Variants in THSD7B observed in about 807,000 individuals in gnomAD.
THSD7B encodes thrombospondin type-1 domain-containing protein 7B.
In THSD7B, 138 loss-of-function variants were observed where a neutral mutation model predicts 213.6. That is an observed-to-expected ratio of 0.65 (90% CI 0.56 to 0.74). The LOEUF (loss-of-function observed/expected upper bound fraction) is 0.74, where lower values mean the gene tolerates loss of function less well. THSD7B is among the 30% of genes least tolerant of loss of function. THSD7B has a pLI of 0.00. For synonymous variants in THSD7B, 742 were observed against 687.0 expected, an observed-to-expected ratio of 1.08 and a Z score of -1.25; for missense variants, 1,931 against 1,991.5, an observed-to-expected ratio of 0.97 and a Z score of 0.58.
At chr2:137,599,097 T>C (rs1573735032) in intron 17 of THSD7B, among the ~76,000 whole-genome samples, 2 of 142,682 alleles carry the variant, frequency 1.4e-5, no homozygotes, top group East Asian at 2.1e-4. Flanking sequence ...TGTGATCTCA[T>C]TGTTCAATTC....
At chr2:136,807,144 C>T (rs954376676) in intron 1 of THSD7B, among the ~76,000 whole-genome samples, 1 of 152,094 alleles carries the variant, frequency 6.6e-6, no homozygotes, top group African/African-American at 2.4e-5. Context: ...TTTATTTCCC[C>T]CTCTTCTATA....
chr2:136,903,962 GTGTGTGTGTGTT>G (rs1306408787), intron 2 of THSD7B, among the ~76,000 whole-genome samples: 1,884 of 63,806 alleles, frequency 0.03, 66 homozygotes, highest in African/African-American at 0.092. Context: ...GTGTGTGTGT[GTGTGTGTGTGTT>G]TGTTTGTTTC....
chr2:137,592,271 C>T (rs192372608), intron 17 of THSD7B, among the ~76,000 whole-genome samples: 18 of 151,726 alleles, frequency 1.2e-4, no homozygotes, highest in African/African-American at 3.6e-4. Context: ...TTATATTTCT[C>T]CCTCAAATTT....
At chr2:137,643,815 G>C (rs1682980766) in intron 21 of THSD7B, among the ~76,000 whole-genome samples, 1 of 151,964 alleles carries the variant, frequency 6.6e-6, no homozygotes, top group African/African-American at 2.4e-5. Context: ...AGAGACAGAG[G>C]GACAGAGAAC....
chr2:137,370,840 A>C (rs1558773422), intron 12 of THSD7B, among the ~76,000 whole-genome samples: 1 of 152,104 alleles, frequency 6.6e-6, no homozygotes, highest in East Asian at 1.9e-4. Flanking sequence ...CATCTTCTCC[A>C]AAAGTTATAT....
chr2:137,225,926 T>C (rs1165843867), intron 7 of THSD7B, among the ~76,000 whole-genome samples: 1 of 151,794 alleles, frequency 6.6e-6, no homozygotes, highest in African/African-American at 2.4e-5. Context: ...ATTTTATTGG[T>C]TCTGAATATA....
chr2:137,356,172 G>A (rs1438207882), intron 12 of THSD7B, among the ~76,000 whole-genome samples: 1 of 152,036 alleles, frequency 6.6e-6, no homozygotes, highest in East Asian at 1.9e-4. Context: ...CATCACGGTG[G>A]GCTAACAAAT....
At chr2:137,487,673 T>C (rs1688493379) in intron 15 of THSD7B, among the ~76,000 whole-genome samples, 1 of 149,848 alleles carries the variant, frequency 6.7e-6, no homozygotes, top group African/African-American at 2.5e-5. Flanking sequence ...CATCAGAGAA[T>C]AGTACAAACA....
At chr2:137,646,481 C>T (rs1449244204) in intron 21 of THSD7B, among the ~76,000 whole-genome samples, 27 of 61,594 alleles carry the variant, frequency 4.4e-4, no homozygotes, top group Admixed American at 3.1e-3. Context: ...ATCTCTACTA[C>T]AAATACAAAA....
intron 10 of THSD7B, among the ~76,000 whole-genome samples, chr2:137,252,007 G>T (rs1230778653): frequency 6.6e-6 from 1 of 152,056 alleles, no homozygotes; most frequent in South Asian, 2.1e-4. Flanking sequence ...AGTGGCTCAC[G>T]CCTGTAATAC....
At chr2:137,186,888 AGT>A (rs1444634947) in intron 7 of THSD7B, among the ~76,000 whole-genome samples, 2 of 152,152 alleles carry the variant, frequency 1.3e-5, no homozygotes, top group Non-Finnish European at 2.9e-5. Context: ...TTTTTTCAGC[AGT>A]GTTTTGTAGT....
rs936809924 is a variant in THSD7B at position 137,358,359 on chromosome 2, A to G, written c.2501-47254A>G. Among the ~76,000 whole-genome samples the G allele has an allele frequency of 8.5e-5, 13 of 152,306 alleles. 1 individual carries two copies. Among genetic ancestry groups the G allele is most frequent in the Admixed American group, 3.9e-4 (6 of 15,290 alleles). ...TGACCTTACAGTCTCATGTAACAGC[A>G]TCCGTAAGAGCATTTTTGGTCATGA... On this transcript the variant is annotated intron_variant, in intron 12 of 27. Transcript: ENST00000409968.
intron 12 of THSD7B, among the ~76,000 whole-genome samples, chr2:137,395,918 C>T (rs1049272370): frequency 1.3e-5 from 2 of 151,512 alleles, no homozygotes; most frequent in South Asian, 4.2e-4. Context: ...AAGAATTTAT[C>T]CATTTCTTCT....
chr2:137,125,005 C>T (rs1688607676), intron 5 of THSD7B, among the ~76,000 whole-genome samples: 2 of 152,132 alleles, frequency 1.3e-5, no homozygotes, highest in African/African-American at 2.4e-5. Context: ...ATTTTTTTGA[C>T]TTTTGATGGA....
At chr2:137,215,491 GT>G (rs1488758591) in intron 7 of THSD7B, among the ~76,000 whole-genome samples, 1 of 152,170 alleles carries the variant, frequency 6.6e-6, no homozygotes, top group African/African-American at 2.4e-5. Context: ...AATGCAAAAA[GT>G]AGATGCTGGC....
intron 1 of THSD7B, among the ~76,000 whole-genome samples, chr2:136,823,046 A>C (rs1027275138): frequency 3.9e-5 from 6 of 152,190 alleles, no homozygotes; most frequent in Non-Finnish European, 8.8e-5. Flanking sequence ...TTCATGACTG[A>C]AGTAATATCT....
Position 136,832,175 on chromosome 2 carries a change from T to TTGTGTGTG in THSD7B, c.-35-49949_-35-49942dup, listed in dbSNP as rs376949671. Among the ~76,000 whole-genome samples, 273 of 72,984 alleles carry TTGTGTGTG rather than the reference T, an allele frequency of 3.7e-3. 3 individuals carry two copies. Among genetic ancestry groups the TTGTGTGTG allele is most frequent in the Admixed American group, 8.9e-3 (61 of 6,836 alleles). The allele number at this position is 72,984 out of a possible 152,430, so 47.9% of individuals were successfully genotyped here. On this transcript the variant is annotated intron_variant, in intron 1 of 27. Transcript: ENST00000409968. ...CAGAATCAATAGGATATACATCCTA[T>TTGTGTGTG]TGTGTGTGTGTGTGTGTGTGTGTGT... is the stretch of plus-strand genomic sequence containing the variant.
chr2:136,978,188 T>A (rs1685514974), intron 2 of THSD7B, among the ~76,000 whole-genome samples: 1 of 152,234 alleles, frequency 6.6e-6, no homozygotes, highest in African/African-American at 2.4e-5. Flanking sequence ...TTGCATTTGC[T>A]GAGGAGTGTT....
In THSD7B at chr2:137,144,510, A is replaced by G. The variant is rs1274251741; in HGVS notation, c.1370-15703A>G. Among the ~76,000 whole-genome samples, 4 of 152,168 alleles carry G rather than the reference A, an allele frequency of 2.6e-5. No homozygotes were observed. In the East Asian group the frequency reaches 7.7e-4, roughly 29 times the overall value. ...TGTCTGCTTTTGCAGACTCAGTATC[A>G]TAGGGGAATTTAACTTAATATATGT... On this transcript the variant is annotated intron_variant, in intron 5 of 27. Coordinates refer to ENST00000409968, the MANE Select transcript of THSD7B (RefSeq NM_001316349.2).
Sources: allele counts gnomAD v4.1 joint callset (sites outside exome capture counted in the v4.1 genomes callset), GRCh38; gene constraint gnomAD v4.1.1; transcripts MANE v1.5; gene names NCBI Gene and HGNC (gene_info 2026-07-23, HGNC 2026-07-21).